The following TMEM38B variants were observed in gnomAD, a reference collection of about 807,000 sequenced individuals.
TMEM38B encodes the protein transmembrane protein 38B, also known as trimeric intracellular cation channel type B.
TMEM38B carries 24 observed loss-of-function variants against 28.7 expected under a neutral mutation model. The ratio of observed to expected loss-of-function variants is 0.84; its 90% CI spans 0.61 to 1.18. The LOEUF (loss-of-function observed/expected upper bound fraction) is 1.18, where lower values mean the gene tolerates loss of function less well. TMEM38B is among the 50% of genes most tolerant of loss of function. The pLI is 0.00. For missense variants in TMEM38B, 380 were observed against 350.9 expected (o/e 1.08, Z -0.66); for synonymous variants, 131 against 127.7 (o/e 1.03, Z -0.17).
At chr9:105,745,920 G>A (rs1321731312) in intron 4 of TMEM38B, among the ~76,000 whole-genome samples, 3 of 152,188 alleles carry the variant, frequency 2.0e-5, no homozygotes, top group South Asian at 4.1e-4. Flanking sequence ...TGAGGGCTCT[G>A]TTCTGTTCCA....
chr9:105,740,007 C>T (rs1837136387), intron 4 of TMEM38B, among the ~76,000 whole-genome samples: 2 of 151,704 alleles, frequency 1.3e-5, no homozygotes, highest in Non-Finnish European at 1.5e-5. Context: ...CTCAGCCTCC[C>T]GAGTAGCTGG....
At chr9:105,768,576 C>T (rs2133652584) in intron 5 of TMEM38B, among the ~76,000 whole-genome samples, 1 of 152,228 alleles carries the variant, frequency 6.6e-6, no homozygotes, top group Admixed American at 6.5e-5. Flanking sequence ...ATAACAATTT[C>T]TTACATAGAT....
At chr9:105,753,781 A>G (rs1837738530) in intron 5 of TMEM38B, among the ~76,000 whole-genome samples, 1 of 152,210 alleles carries the variant, frequency 6.6e-6, no homozygotes, top group Non-Finnish European at 1.5e-5. Context: ...ACCAGCTAGC[A>G]TCATGATGAT....
Position 105,705,787 on chromosome 9 carries a change from T to C in TMEM38B, c.269+34T>C. The stretch of plus-strand genomic sequence containing the variant: ...CCAGTATGGTGACCTATGTGACATT[T>C]AAACAATTGTGTTGTAAATTGTTAG... On this transcript the variant is annotated intron_variant, in intron 2 of 5. Transcript: ENST00000374692. 3.2e-6 allele frequency: 5 copies of C among 1,580,036 alleles called. No homozygotes were observed. The South Asian group carries it at 5.8e-5, about 18-fold the overall frequency.
chr9:105,766,980 A>T (rs979120524), intron 5 of TMEM38B, among the ~76,000 whole-genome samples: 2 of 146,052 alleles, frequency 1.4e-5, no homozygotes, highest in African/African-American at 5.1e-5. Context: ...TATGAGTGAG[A>T]ACATGCGGTG....
At position 105,774,338 on chromosome 9, in the gene TMEM38B, T is replaced by TA. The variant is rs1826660598; in HGVS notation, c.*262dup. 1.5e-5 allele frequency: 4 copies of TA among 258,692 alleles called. No individual in the cohort carries two copies. The East Asian group carries it at 2.7e-4, about 18-fold the overall frequency. The allele number at this position is 258,692 out of a possible 1,614,324, so 16.0% of individuals were successfully genotyped here. A position where few individuals can be genotyped will look rare whatever the true frequency, so the allele number is the denominator to read the frequency against. On this transcript the variant is annotated 3_prime_UTR_variant, in exon 6 of 6. Coordinates refer to ENST00000374692, the MANE Select transcript of TMEM38B (RefSeq NM_018112.3). The stretch of plus-strand genomic sequence containing the variant: ...GATTATTTGAATAGTTTTATATTAA[T>TA]AAAAGAAGACAAAATTTTTTAAATG...
chr9:105,761,221 G>T (rs1660560576), intron 5 of TMEM38B, among the ~76,000 whole-genome samples: 2 of 152,158 alleles, frequency 1.3e-5, no homozygotes, highest in African/African-American at 2.4e-5. Flanking sequence ...ATTCTCAGCT[G>T]CCAAATGTTG....
rs575770484 is a variant in TMEM38B, at chr9:105,776,488, C to A, written c.*2408C>A. 2.6e-5 allele frequency: 4 copies of A among 152,150 alleles called. No homozygotes were observed. In the East Asian group the frequency reaches 7.7e-4, roughly 29 times the overall value. The allele number at this position is 152,150 out of a possible 1,614,324, so 9.4% of individuals were successfully genotyped here. ...TGTCTATTCCTTAAAGCCCAGACACCTTTCCATTAAAATCTACTTCAAATC... is the reference window on the plus strand; with the variant it reads ...TGTCTATTCCTTAAAGCCCAGACACATTTCCATTAAAATCTACTTCAAATC... On this transcript the variant is annotated 3_prime_UTR_variant, in exon 6 of 6. Transcript: ENST00000374692.
At chr9:105,722,770 T>A (rs573731859) in intron 4 of TMEM38B, 149 bp downstream of exon 4, 1 of 580,882 alleles carries the variant, frequency 1.7e-6, no homozygotes, top group Admixed American at 3.6e-5. Flanking sequence ...AACTAGCAAA[T>A]TTTGTTCTTT....
chr9:105,743,133 A>G (rs1837264460), intron 4 of TMEM38B, among the ~76,000 whole-genome samples: 1 of 152,228 alleles, frequency 6.6e-6, no homozygotes, highest in Non-Finnish European at 1.5e-5. Flanking sequence ...ACCCAATCAT[A>G]TTGTTAAGCG....
intron 5 of TMEM38B, among the ~76,000 whole-genome samples, chr9:105,769,748 C>A (rs766779432): frequency 2.4e-4 from 37 of 151,970 alleles, no homozygotes; most frequent in African/African-American, 6.0e-4. Flanking sequence ...CTGTAAAAAA[C>A]CATGTTGATA....
chr9:105,775,374 T>C lies in TMEM38B; in HGVS notation c.*1294T>C, dbSNP rs889878104. 6.6e-6 allele frequency: 1 copy of C among 152,162 alleles called. No homozygotes were observed. Among genetic ancestry groups the C allele is most frequent in the South Asian group, 2.1e-4 (1 of 4,838 alleles). 9.4% of individuals were successfully genotyped at this position (152,162 alleles called of 1,614,324 possible). On this transcript the variant is annotated 3_prime_UTR_variant, in exon 6 of 6. Transcript: ENST00000374692. ...ACTTTATGATTTAGAAGTCCAGTTA[T>C]AATATTAAAACTCTGTGACATAGTT...
At chr9:105,710,503 T>A (rs1020249649) in intron 2 of TMEM38B, 123 of 1,303,776 alleles carry the variant, frequency 9.4e-5, no homozygotes, top group Non-Finnish European at 1.3e-4. Context: ...TCTGATTTGG[T>A]GTCTTCCGAT....
intron 1 of TMEM38B, among the ~76,000 whole-genome samples, 173 bp from the exon 2 acceptor site, chr9:105,705,420 TCTTG>T (rs1435895202): frequency 6.6e-6 from 1 of 152,210 alleles, no homozygotes; most frequent in Non-Finnish European, 1.5e-5. Flanking sequence ...ATGTTTCCAG[TCTTG>T]CTTTAAAGAA....
chr9:105,712,124 A>C (rs1835928575), intron 2 of TMEM38B, among the ~76,000 whole-genome samples: 1 of 152,186 alleles, frequency 6.6e-6, no homozygotes, highest in Non-Finnish European at 1.5e-5. Context: ...CACGTTGGCC[A>C]GGCTGGTCTC....
intron 2 of TMEM38B, among the ~76,000 whole-genome samples, chr9:105,707,406 A>G (rs1397812537): frequency 6.6e-6 from 1 of 152,158 alleles, no homozygotes; most frequent in African/African-American, 2.4e-5. Flanking sequence ...AATAATCTAT[A>G]ATAAAAATTA....
At chr9:105,757,543 C>A (rs1010950617) in intron 5 of TMEM38B, among the ~76,000 whole-genome samples, 2 of 150,984 alleles carry the variant, frequency 1.3e-5, no homozygotes, top group Admixed American at 6.6e-5. Context: ...AAAAGTGTTC[C>A]CTTTTCAACA....
chr9:105,773,946 C>T lies in TMEM38B; in HGVS notation c.742C>T (p.Gln248Ter). 6.2e-7 allele frequency: 1 copy of T among 1,613,758 alleles called. No homozygotes were observed. The highest frequency in any genetic ancestry group is 8.5e-7 in the Non-Finnish European group (1 of 1,179,774). ...ATTGAGTTGGATGCTATTTGGCTGG[C>T]AGCAGCCGTTTTCATCATGTGAGAA... ...DTLSWMLFGW[Q>*]QPFSSCEKKS... The change falls in exon 6 of 6, where the codon CAG (glutamine) becomes TAG (stop). Residue 248 changes from glutamine (Q) to a stop codon, truncating the protein, a stop_gained. Transcript: ENST00000374692. LOFTEE classifies it low-confidence loss of function (END_TRUNC).
chr9:105,765,489 C>T (rs890321982), intron 5 of TMEM38B, among the ~76,000 whole-genome samples: 2 of 152,158 alleles, frequency 1.3e-5, no homozygotes, highest in African/African-American at 4.8e-5. Flanking sequence ...TTCCTTGTAC[C>T]TTACTCTAGT....
Sources: gnomAD v4.1 joint callset for allele counts (sites outside exome capture counted in the v4.1 genomes callset) on GRCh38, gnomAD v4.1.1 for gene constraint, MANE v1.5 for transcripts, NCBI Gene and HGNC (gene_info 2026-07-23, HGNC 2026-07-21) for gene names.